CRNN: variants seen among roughly 807,000 people sequenced by gnomAD.
CRNN encodes 53 kDa putative calcium-binding protein.
CRNN carries 39 observed loss-of-function variants against 44.7 expected under a neutral mutation model. The observed-to-expected ratio is 0.87, with a 90% confidence interval of 0.68 to 1.14. The LOEUF is 1.14. CRNN is among the 50% of genes most tolerant of loss of function. CRNN has a pLI of 0.00. For missense variants in CRNN, 606 were observed against 605.1 expected, an observed-to-expected ratio of 1.00 and a Z score of -0.02; for synonymous variants, 240 against 231.8, an observed-to-expected ratio of 1.04 and a Z score of -0.32.
At chr1:152,411,121 G>A (rs112703897) in intron 2 of CRNN, among the ~76,000 whole-genome samples, 178 bp from the exon 3 acceptor site, 4,887 of 152,244 alleles carry the variant, frequency 0.032, 290 homozygotes, top group African/African-American at 0.11. Context: ...TCTCCCTCAA[G>A]TGTAGAGAGC....
chr1:152,412,079 GGCT>G lies in CRNN; in HGVS notation c.138+14_138+16del. On this transcript the variant is annotated intron_variant, in intron 2 of 2. Coordinates refer to ENST00000271835, the MANE Select transcript of CRNN (RefSeq NM_016190.3). ...CTCCTGCTATGTCCCCTCTCCACCC[GGCT>G]CAGCACACCGTACCACAATCACATC... The G allele has an allele frequency of 6.3e-7, 1 of 1,585,638 alleles. No individual in the cohort carries two copies. Among genetic ancestry groups the G allele is most frequent in the Non-Finnish European group, 8.6e-7 (1 of 1,159,370 alleles).
chr1:152,413,727 A>C (rs904066603), intron 1 of CRNN, among the ~76,000 whole-genome samples: 1 of 152,238 alleles, frequency 6.6e-6, no homozygotes, highest in African/African-American at 2.4e-5. Flanking sequence ...TAATAAAATA[A>C]TAAGATGACC....
chr1:152,411,499 C>G (rs373218200), intron 2 of CRNN, among the ~76,000 whole-genome samples: 3 of 152,368 alleles, frequency 2.0e-5, no homozygotes, highest in Non-Finnish European at 2.9e-5. Flanking sequence ...AGGCCATCAT[C>G]ATCCTGGTTG....
rs930325797 is a variant in CRNN at position 152,413,671 on chromosome 1, T to A, written c.-14+543A>T. Reference sequence around the variant, plus strand: ...TCAACATAGATGAAAAATATCTTTCTTTTTTTTTAAAACCATGTAGCAGAC... The same window carrying A: ...TCAACATAGATGAAAAATATCTTTCATTTTTTTTAAAACCATGTAGCAGAC... On this transcript the variant is annotated intron_variant, in intron 1 of 2. Transcript: ENST00000271835. 9.9e-5 allele frequency among the ~76,000 whole-genome samples: 15 copies of A among 151,700 alleles called. 1 individual carries two copies. The highest frequency in any genetic ancestry group is 3.6e-4 in the African/African-American group (15 of 41,322).
In CRNN at chr1:152,409,878, C is replaced by G; in HGVS notation, c.1204G>C (p.Gly402Arg). The stretch of plus-strand genomic sequence containing the variant: ...GTGCTTGCCCCAGTCTGGGCCTGTC[C>G]TCCCGGTACTGTCTCTCCTGCCTCA... ...NPEAGETVPG[G>R]QAQTGASTES... Residue 402 changes from glycine (G) to arginine (R), a missense_variant, in exon 3 of 3, where the codon GGA (glycine) becomes CGA (arginine). Gly to Arg is a moderately radical substitution (Grantham distance 125, BLOSUM62 -2). Transcript: ENST00000271835. 2 of 1,614,206 alleles carry G rather than the reference C, an allele frequency of 1.2e-6. No homozygotes were observed. Among genetic ancestry groups the G allele is most frequent in the Non-Finnish European group, 1.7e-6 (2 of 1,180,036 alleles).
At position 152,410,061 on chromosome 1, in the gene CRNN, C is replaced by A. The variant is rs778713434; in HGVS notation, c.1021G>T (p.Ala341Ser). ...ATCTGAGTGTGTCCTCCTGTCACAG[C>A]CTGGCTGGTCTGGCTCCTGCCTTGA... ...HGQGRSQTSQ[A>S]VTGGHTQIQA... Residue 341 changes from alanine to serine, a missense_variant, in exon 3 of 3, where the codon GCT becomes TCT. Coordinates refer to ENST00000271835, the MANE Select transcript of CRNN (RefSeq NM_016190.3). 107 of 1,613,996 alleles carry A rather than the reference C, an allele frequency of 6.6e-5. No homozygotes were observed. The highest frequency in any genetic ancestry group is 8.8e-5 in the Non-Finnish European group (104 of 1,180,022).
At chr1:152,410,993 G>A (rs377439804) in intron 2 of CRNN, 50 bp from the exon 3 acceptor site, 1 of 1,540,544 alleles carries the variant, frequency 6.5e-7, no homozygotes, top group African/African-American at 1.4e-5. Context: ...AGGAGGACAT[G>A]GGCAGGTCCC....
rs1655724240 is a variant in CRNN at position 152,410,575 on chromosome 1, C to T, written c.507G>A (p.Arg169=). 2 of 1,614,130 alleles carry T rather than the reference C, an allele frequency of 1.2e-6. No individual in the cohort carries two copies. Among genetic ancestry groups the T allele is most frequent in the African/African-American group, 2.7e-5 (2 of 75,038 alleles). Residue 169 remains arginine, a synonymous_variant, in exon 3 of 3, where the codon AGG becomes AGA. Coordinates refer to ENST00000271835, the MANE Select transcript of CRNN (RefSeq NM_016190.3). ...TGSAWVSSYD[R]QAESQSQERI... is the part of the protein sequence containing the mutation. ...TTTCCTGGCTCTGGGACTCAGCTTG[C>T]CTGTCATAGCTGCTGACCCACGCAG...
At chr1:152,413,943 C>T (rs1426029551) in intron 1 of CRNN, among the ~76,000 whole-genome samples, 2 of 152,224 alleles carry the variant, frequency 1.3e-5, no homozygotes, top group East Asian at 1.9e-4. Flanking sequence ...AAAAAGAAAC[C>T]TTTGCTGATC....
rs1427467372 is a variant in CRNN at position 152,412,121 on chromosome 1, T to C, written c.113A>G (p.Glu38Gly). ...LTRGELKRLLEQEFADVIVKP... is the reference protein window; with the variant it reads ...LTRGELKRLLGQEFADVIVKP... ...CACAATCACATCGGCAAACTCTTGC[T>C]CCAAGAGTCTTTTCAGCTCCCCTCG... The change falls in exon 2 of 3, where the codon GAG (glutamate) becomes GGG (glycine). Residue 38 changes from glutamate (E) to glycine (G), a missense_variant. Coordinates refer to ENST00000271835, the MANE Select transcript of CRNN (RefSeq NM_016190.3). 6.2e-6 allele frequency: 10 copies of C among 1,611,568 alleles called. No homozygotes were observed. Among genetic ancestry groups the C allele is most frequent in the Non-Finnish European group, 7.6e-6 (9 of 1,178,180 alleles).
intron 1 of CRNN, among the ~76,000 whole-genome samples, chr1:152,413,825 C>A (rs141897384): frequency 6.6e-6 from 1 of 152,180 alleles, no homozygotes; most frequent in South Asian, 2.1e-4. Context: ...ATCATGTAAA[C>A]CCCTTCATCC....
Position 152,409,766 on chromosome 1 carries a change from C to G in CRNN, c.1316G>C (p.Gly439Ala). 1 of 1,614,240 alleles carries G rather than the reference C, an allele frequency of 6.2e-7. No individual in the cohort carries two copies. Among genetic ancestry groups the G allele is most frequent in the Non-Finnish European group, 8.5e-7 (1 of 1,180,032 alleles). Residue 439 changes from glycine to alanine, a missense_variant, in exon 3 of 3, where the codon GGT becomes GCT. Physicochemically the swap from Gly to Ala is moderately conservative, Grantham distance 60. Transcript: ENST00000271835. ...TGAGTGGTCATCAACCCATTCCTCA[C>G]CAACCACTGTGGGCTGTCTGTCTCC... ...GQGDRQPTVV[G>A]EEWVDDHSRE...
chr1:152,413,048 T>G (rs1655817249), intron 1 of CRNN, among the ~76,000 whole-genome samples: 1 of 152,080 alleles, frequency 6.6e-6, no homozygotes, highest in South Asian at 2.1e-4. Context: ...CTGCTGGGAA[T>G]GCTCAGGAGG....
Position 152,410,555 on chromosome 1 carries a change from T to C in CRNN, c.527A>G (p.Gln176Arg). ...SYDRQAESQS[Q>R]ERISPQIQLS... The stretch of plus-strand genomic sequence containing the variant: ...TTGTATCTGCGGGCTTATTCTTTCC[T>C]GGCTCTGGGACTCAGCTTGCCTGTC... Residue 176 changes from glutamine (Q) to arginine (R), a missense_variant, in exon 3 of 3, where the codon CAG (glutamine) becomes CGG (arginine). By Grantham distance (43) the Gln-to-Arg change is conservative. Transcript: ENST00000271835. 1 of 1,614,184 alleles carries C rather than the reference T, an allele frequency of 6.2e-7. No individual in the cohort carries two copies. Among genetic ancestry groups the C allele is most frequent in the Non-Finnish European group, 8.5e-7 (1 of 1,180,030 alleles).
chr1:152,410,001 C>G lies in CRNN; in HGVS notation c.1081G>C (p.Asp361His), dbSNP rs373221414. 6.2e-6 allele frequency: 10 copies of G among 1,613,904 alleles called. No homozygotes were observed. Among genetic ancestry groups the G allele is most frequent in the Admixed American group, 1.7e-5 (1 of 59,978 alleles). ...AGSHTETVEQ[D>H]RSQTVSHGGA... ...CCGTGGCTTACAGTTTGGCTTCTGT[C>G]CTGCTCCACAGTCTCGGTGTGTGAC... The change falls in exon 3 of 3, where the codon GAC becomes CAC. Residue 361 changes from aspartate (D) to histidine (H), a missense_variant. Transcript: ENST00000271835.
At position 152,409,401 on chromosome 1, in the gene CRNN, C is replaced by T. The variant is rs1035434777; in HGVS notation, c.*193G>A. The T allele has an allele frequency of 1.9e-6, 2 of 1,061,460 alleles. No individual in the cohort carries two copies. The highest frequency in any genetic ancestry group is 2.6e-6 in the Non-Finnish European group (2 of 762,408). 65.8% of individuals were successfully genotyped at this position (1,061,460 alleles called of 1,614,324 possible). Reference sequence around the variant, plus strand: ...CCTGCTCCTGAGAGGGTCTGCACCGCAAAGCAGGTAAGAAAGAAGAGTTCA... The same window carrying T: ...CCTGCTCCTGAGAGGGTCTGCACCGTAAAGCAGGTAAGAAAGAAGAGTTCA... On this transcript the variant is annotated 3_prime_UTR_variant, in exon 3 of 3. Transcript: ENST00000271835.
In CRNN at chr1:152,410,752, C is replaced by T. The variant is rs750995202; in HGVS notation, c.330G>A (p.Ser110=). 2.2e-5 allele frequency: 35 copies of T among 1,614,080 alleles called. No homozygotes were observed. Among genetic ancestry groups the T allele is most frequent in the Middle Eastern group, 1.6e-4 (1 of 6,084 alleles). The change falls in exon 3 of 3, where the codon TCG becomes TCA. Residue 110 remains serine (S), a synonymous_variant. Coordinates refer to ENST00000271835, the MANE Select transcript of CRNN (RefSeq NM_016190.3). ...QESGSLHSGA[S]QELGEGQRSG... Reference sequence around the variant, plus strand: ...TTCTCTGTCCTTCGCCCAGCTCCTGCGAGGCCCCAGAGTGGAGGCTTCCAG... The same window carrying T: ...TTCTCTGTCCTTCGCCCAGCTCCTGTGAGGCCCCAGAGTGGAGGCTTCCAG...
At chr1:152,412,036 G>A (rs1655784249) in intron 2 of CRNN, 60 bp downstream of exon 2, 25 of 1,513,830 alleles carry the variant, frequency 1.7e-5, no homozygotes, top group Non-Finnish European at 2.2e-5. Flanking sequence ...GGCCTCTGCA[G>A]GCAAACCAGG....
chr1:152,412,067 C>T, intron 2 of CRNN, 29 bp downstream of exon 2: 1 of 1,577,314 alleles, frequency 6.3e-7, no homozygotes, highest in Non-Finnish European at 8.7e-7. Context: ...CTGCTATGTC[C>T]CCTCTCCACC....
Sources: gnomAD v4.1 joint callset for allele counts (sites outside exome capture counted in the v4.1 genomes callset) on GRCh38, gnomAD v4.1.1 for gene constraint, MANE v1.5 for transcripts, NCBI Gene and HGNC (gene_info 2026-07-23, HGNC 2026-07-21) for gene names.